GTF2I: variants seen among roughly 807,000 people sequenced by gnomAD.
GTF2I encodes general transcription factor IIi.
A neutral mutation model predicts 67.6 loss-of-function variants in GTF2I; 12 were observed. That is an observed-to-expected ratio of 0.18 (90% CI 0.11 to 0.29). GTF2I has a LOEUF of 0.29. Among genes scored for constraint, GTF2I ranks in the 10% least tolerant of loss-of-function variants. The pLI, the probability that GTF2I is intolerant of heterozygous loss-of-function variation, is 1.00. For missense variants in GTF2I, 271 were observed against 580.1 expected, an observed-to-expected ratio of 0.47 and a Z score of 5.47; for synonymous variants, 149 against 197.0, an observed-to-expected ratio of 0.76 and a Z score of 2.04.
chr7:74,685,165 A>C (rs1787597479), intron 1 of GTF2I, among the ~76,000 whole-genome samples: 1 of 152,258 alleles, frequency 6.6e-6, no homozygotes, highest in African/African-American at 2.4e-5. Context: ...GTGGAAAGCA[A>C]CCAATCAGAG....
At chr7:74,723,271 G>A (rs1358065983) in intron 12 of GTF2I, among the ~76,000 whole-genome samples, 19 of 151,128 alleles carry the variant, frequency 1.3e-4, no homozygotes, top group Admixed American at 9.3e-4. Context: ...GATTATAGGC[G>A]CCCGCCACCA....
intron 15 of GTF2I, 137 bp from the exon 16 acceptor site, chr7:74,733,786 T>G: frequency 2.9e-6 from 1 of 349,124 alleles, no homozygotes; most frequent in South Asian, 5.0e-5. Flanking sequence ...AAAAAAAGAT[T>G]TAGTTGTGCT....
At position 74,706,442 on chromosome 7, in the gene GTF2I, T is replaced by C; in HGVS notation, c.685+9T>C. On this transcript the variant is annotated intron_variant, in intron 8 of 34. Transcript: ENST00000573035. ...ACCCACAGAAGATTCTGGTATGTAC[T>C]AGCACTTTTAGAATCAATGGTGAAA... 6.3e-7 allele frequency: 1 copy of C among 1,588,968 alleles called. No homozygotes were observed. The highest frequency in any genetic ancestry group is 8.6e-7 in the Non-Finnish European group (1 of 1,157,220).
intron 3 of GTF2I, among the ~76,000 whole-genome samples, chr7:74,691,546 T>C (rs1554397060): frequency 6.6e-6 from 1 of 152,114 alleles, no homozygotes; most frequent in East Asian, 1.9e-4. Context: ...AGGTTTAAAC[T>C]AAAAAAGATT....
chr7:74,701,008 AC>A (rs1331866671), intron 6 of GTF2I, among the ~76,000 whole-genome samples: 1 of 152,222 alleles, frequency 6.6e-6, no homozygotes, highest in African/African-American at 2.4e-5. Flanking sequence ...TGTGAGTCTC[AC>A]GGAAGAGAGA....
intron 7 of GTF2I, 144 bp downstream of exon 7, chr7:74,705,362 T>C: frequency 3.1e-6 from 2 of 638,034 alleles, no homozygotes; most frequent in Non-Finnish European, 5.6e-6. Flanking sequence ...TTGGGGATCT[T>C]GTGAACATGC....
At chr7:74,689,053 T>C in intron 1 of GTF2I, 71 bp from the exon 2 acceptor site, 1 of 866,822 alleles carries the variant, frequency 1.2e-6, no homozygotes, top group Non-Finnish European at 1.9e-6. Context: ...TGAGGGGCCC[T>C]CACAGCTTTG....
intron 1 of GTF2I, among the ~76,000 whole-genome samples, chr7:74,659,324 C>A (rs1201344494): frequency 6.6e-6 from 1 of 152,090 alleles, no homozygotes; most frequent in Non-Finnish European, 1.5e-5. Flanking sequence ...AACACCTGGG[C>A]TCCAGCGATC....
intron 1 of GTF2I, among the ~76,000 whole-genome samples, chr7:74,675,654 G>C (rs962804156): frequency 7.9e-5 from 12 of 151,976 alleles, no homozygotes. Context: ...TAAATTTGTA[G>C]ATAATGGAAT....
intron 12 of GTF2I, among the ~76,000 whole-genome samples, chr7:74,721,519 C>T (rs587608381): frequency 1.3e-5 from 2 of 151,928 alleles, no homozygotes; most frequent in Non-Finnish European, 2.9e-5. Flanking sequence ...TGTGCATATA[C>T]ACACACACAT....
intron 15 of GTF2I, among the ~76,000 whole-genome samples, chr7:74,733,219 G>A (rs1268447974): frequency 1.6e-5 from 2 of 123,034 alleles, no homozygotes; most frequent in Non-Finnish European, 3.4e-5. Flanking sequence ...TGCCAACCTC[G>A]CCCTCATAGG....
chr7:74,661,506 C>T (rs373187775), intron 1 of GTF2I, among the ~76,000 whole-genome samples: 44 of 152,098 alleles, frequency 2.9e-4, no homozygotes, highest in African/African-American at 1.0e-3. Context: ...TGGCGAAACC[C>T]CGTCTGTACT....
At chr7:74,687,388 C>G (rs1554395784) in intron 1 of GTF2I, 1 of 156,472 alleles carries the variant, frequency 6.4e-6, no homozygotes, top group African/African-American at 2.4e-5. Context: ...CCATGCCCGG[C>G]TATTTGGAAT....
intron 6 of GTF2I, among the ~76,000 whole-genome samples, chr7:74,704,252 T>A (rs587751207): frequency 7.8e-4 from 117 of 150,740 alleles, no homozygotes; most frequent in African/African-American, 2.7e-3. Flanking sequence ...AAGTTTTTTT[T>A]AAACTTAATT....
chr7:74,720,246 G>C (rs1483476414), intron 12 of GTF2I, among the ~76,000 whole-genome samples: 1 of 151,518 alleles, frequency 6.6e-6, no homozygotes, highest in Non-Finnish European at 1.5e-5. Context: ...TACTTTATTA[G>C]TTTTTTTTTC....
chr7:74,717,052 G>C (rs1185779250), intron 11 of GTF2I, 102 bp downstream of exon 11: 1 of 1,463,362 alleles, frequency 6.8e-7, no homozygotes, highest in Non-Finnish European at 9.2e-7. Context: ...GAAATAAAAG[G>C]TGATTCCCTT....
intron 3 of GTF2I, among the ~76,000 whole-genome samples, chr7:74,694,181 G>A (rs587635049): frequency 7.2e-4 from 109 of 152,304 alleles, no homozygotes; most frequent in Non-Finnish European, 1.3e-3. Context: ...AAGCCACAGC[G>A]TAATCCAGAG....
At chr7:74,721,384 T>C (rs1280935572) in intron 12 of GTF2I, among the ~76,000 whole-genome samples, 5 of 152,218 alleles carry the variant, frequency 3.3e-5, no homozygotes, top group Non-Finnish European at 7.3e-5. Flanking sequence ...AAGCCTGATT[T>C]AATGTTCACA....
intron 9 of GTF2I, among the ~76,000 whole-genome samples, chr7:74,712,412 T>A (rs1303301014): frequency 6.6e-6 from 1 of 151,936 alleles, no homozygotes; most frequent in Non-Finnish European, 1.5e-5. Context: ...TATTCTTAAG[T>A]TAACCATGAT....
Sources: allele counts gnomAD v4.1 joint callset (sites outside exome capture counted in the v4.1 genomes callset), GRCh38; gene constraint gnomAD v4.1.1; transcripts MANE v1.5; gene names NCBI Gene and HGNC (gene_info 2026-07-23, HGNC 2026-07-21).